The following CXCL6 variants were observed in gnomAD, a reference collection of about 807,000 sequenced individuals.
CXCL6 encodes the protein C-X-C motif chemokine ligand 6.
Under a neutral mutation model 10.5 loss-of-function variants are expected in CXCL6, and 18 were observed. The observed-to-expected ratio is 1.71, with a 90% CI of 1.18 to 2.54. The LOEUF (loss-of-function observed/expected upper bound fraction) is 2.54. CXCL6 is among the 30% of genes most tolerant of loss of function. CXCL6 has a pLI of 0.00. For missense variants in CXCL6, 171 were observed against 145.7 expected (o/e 1.17, Z -0.90); for synonymous variants, 82 against 68.3 (o/e 1.20, Z -0.99).
Position 73,836,816 on chromosome 4 carries a change from C to G in CXCL6, c.66C>G (p.Leu22=), listed in dbSNP as rs768136002. The change falls in exon 1 of 4, where the codon CTC becomes CTG. Residue 22 remains leucine (L), a synonymous_variant. Transcript: ENST00000226317. ...CTTCGGGCTCCTTGTGCGCGCTGCT[C>G]GCGCTGCTGCTCCTGCTGACGCCGC... ...PGPSGSLCAL[L]ALLLLLTPPG... is the part of the protein sequence containing the mutation. The G allele has an allele frequency of 4.3e-6, 7 of 1,612,416 alleles. No homozygotes were observed. In the East Asian group the frequency reaches 1.3e-4, roughly 31 times the overall value.
chr4:73,837,466 T>C (rs111731742), intron 3 of CXCL6, 157 bp from the exon 4 acceptor site: 2 of 913,886 alleles, frequency 2.2e-6, no homozygotes, highest in Non-Finnish European at 1.7e-6. Flanking sequence ...CAATCTTACA[T>C]GCCTGAACAA....
Position 73,837,044 on chromosome 4 carries a change from G to A in CXCL6, c.190G>A (p.Gly64Ser). ...VTLRVNPKTI[G>S]KLQVFPAGPQ... Reference sequence around the variant, plus strand: ...GCTGAGAGTAAACCCCAAAACGATTGGTAAACTGCAGGTGTTCCCCGCAGG... The same window carrying A: ...GCTGAGAGTAAACCCCAAAACGATTAGTAAACTGCAGGTGTTCCCCGCAGG... Residue 64 changes from glycine to serine, a missense_variant, in exon 2 of 4, where the codon GGT becomes AGT. Coordinates refer to ENST00000226317, the MANE Select transcript of CXCL6 (RefSeq NM_002993.4). The A allele has an allele frequency of 6.2e-7, 1 of 1,613,990 alleles. No individual in the cohort carries two copies. The highest frequency in any genetic ancestry group is 8.5e-7 in the Non-Finnish European group (1 of 1,179,910).
Position 73,838,086 on chromosome 4 carries a change from C to T in CXCL6, c.*445C>T, listed in dbSNP as rs1000312194. On this transcript the variant is annotated 3_prime_UTR_variant, in exon 4 of 4. Transcript: ENST00000226317. Reference sequence around the variant, plus strand: ...TCCTGTTGTTCTTACTCACTCTTCTCATAAAATAGGAAATATTTTAGTTCT... The same window carrying T: ...TCCTGTTGTTCTTACTCACTCTTCTTATAAAATAGGAAATATTTTAGTTCT... 1 of 153,646 alleles carries T rather than the reference C, an allele frequency of 6.5e-6. No individual in the cohort carries two copies. The highest frequency in any genetic ancestry group is 1.9e-4 in the East Asian group (1 of 5,238). 9.5% of individuals were successfully genotyped at this position (153,646 alleles called of 1,614,324 possible). A position where few individuals can be genotyped will look rare whatever the true frequency, so the allele number is the denominator to read the frequency against.
chr4:73,836,708 C>A lies in CXCL6; in HGVS notation c.-43C>A. 6.5e-7 allele frequency: 1 copy of A among 1,531,222 alleles called. No homozygotes were observed. The highest frequency in any genetic ancestry group is 8.9e-7 in the Non-Finnish European group (1 of 1,122,778). 94.9% of individuals were successfully genotyped at this position (1,531,222 alleles called of 1,614,324 possible). On this transcript the variant is annotated 5_prime_UTR_variant, in exon 1 of 4. Coordinates refer to ENST00000226317, the MANE Select transcript of CXCL6 (RefSeq NM_002993.4). ...TGCTCTGTATCCTCCAGTCTCCGCG[C>A]CTCCACCCAGCTCAGGAACCCGCGA... is the stretch of plus-strand genomic sequence containing the variant.
intron 2 of CXCL6, 42 bp from the exon 3 acceptor site, chr4:73,837,161 C>G (rs775911783): frequency 3.8e-5 from 61 of 1,613,622 alleles, no homozygotes; most frequent in Admixed American, 1.5e-4. Context: ...GGGTCGTCAA[C>G]CTTTGTGGCT....
rs1299503789 is a variant in CXCL6 at position 73,837,845 on chromosome 4, T to C, written c.*204T>C. 2.8e-5 allele frequency: 12 copies of C among 427,810 alleles called. No individual in the cohort carries two copies. The highest frequency in any genetic ancestry group is 4.7e-5 in the Non-Finnish European group (11 of 235,404). 26.5% of individuals were successfully genotyped at this position (427,810 alleles called of 1,614,324 possible). ...CAGCTAATGAAGTACTAATATAGTA[T>C]TTCCACTATTTACTGTTATTTTACC... On this transcript the variant is annotated 3_prime_UTR_variant, in exon 4 of 4. Coordinates refer to ENST00000226317, the MANE Select transcript of CXCL6 (RefSeq NM_002993.4).
Position 73,837,298 on chromosome 4 carries a change from T to A in CXCL6, c.326+12T>A. On this transcript the variant is annotated intron_variant, in intron 3 of 3. Transcript: ENST00000226317. ...AAAATTTTGGACAGGTATTTGTCCC[T>A]TTGATCTTTGTGGTGTTTTAATATC... The A allele has an allele frequency of 6.2e-7, 1 of 1,603,814 alleles. No homozygotes were observed. Among genetic ancestry groups the A allele is most frequent in the South Asian group, 1.1e-5 (1 of 90,856 alleles).
Position 73,837,083 on chromosome 4 carries a change from A to C in CXCL6, c.229A>C (p.Lys77Gln). The C allele has an allele frequency of 6.2e-7, 1 of 1,613,562 alleles. No homozygotes were observed. The highest frequency in any genetic ancestry group is 8.5e-7 in the Non-Finnish European group (1 of 1,179,700). Residue 77 changes from lysine to glutamine, a missense_variant, in exon 2 of 4, where the codon AAG (lysine) becomes CAG (glutamine). Coordinates refer to ENST00000226317, the MANE Select transcript of CXCL6 (RefSeq NM_002993.4). ...QVFPAGPQCS[K>Q]VEVVASLKNG... is the part of the protein sequence containing the mutation. ...GTTCCCCGCAGGCCCGCAGTGCTCC[A>C]AGGTGGAAGTGGTGTAAGTTCTCCT...
rs1313246643 is a variant in CXCL6, at chr4:73,838,047, T to C, written c.*406T>C. The stretch of plus-strand genomic sequence containing the variant: ...TGGAAATAATGTTTTATTAGTGTGC[T>C]GTTGAGGGAGGTATCCTGTTGTTCT... On this transcript the variant is annotated 3_prime_UTR_variant, in exon 4 of 4. Coordinates refer to ENST00000226317, the MANE Select transcript of CXCL6 (RefSeq NM_002993.4). The C allele has an allele frequency of 1.3e-5, 2 of 157,494 alleles. No individual in the cohort carries two copies. The highest frequency in any genetic ancestry group is 1.3e-4 in the Admixed American group (2 of 15,430). 9.8% of individuals were successfully genotyped at this position (157,494 alleles called of 1,614,324 possible). A position where few individuals can be genotyped will look rare whatever the true frequency, so the allele number is the denominator to read the frequency against.
At chr4:73,837,474 C>T (rs1731130047) in intron 3 of CXCL6, 149 bp from the exon 4 acceptor site, 5 of 925,248 alleles carry the variant, frequency 5.4e-6, no homozygotes, top group Non-Finnish European at 6.7e-6. Flanking sequence ...CATGCCTGAA[C>T]AATTACACAG....
chr4:73,837,983 A>G lies in CXCL6; in HGVS notation c.*342A>G, dbSNP rs1475418245. The G allele has an allele frequency of 4.9e-6, 1 of 203,972 alleles. No homozygotes were observed. 12.6% of individuals were successfully genotyped at this position (203,972 alleles called of 1,614,324 possible). The stretch of plus-strand genomic sequence containing the variant: ...GATAACTATTGTATTTCTATCATAC[A>G]TTCCTTAAAGTCTTACCGAAAAGGC... On this transcript the variant is annotated 3_prime_UTR_variant, in exon 4 of 4. Transcript: ENST00000226317.
Position 73,837,992 on chromosome 4 carries a change from A to C in CXCL6, c.*351A>C, listed in dbSNP as rs1293837802. 1.1e-5 allele frequency: 2 copies of C among 188,704 alleles called. No individual in the cohort carries two copies. The highest frequency in any genetic ancestry group is 1.1e-5 in the Non-Finnish European group (1 of 92,856). 11.7% of individuals were successfully genotyped at this position (188,704 alleles called of 1,614,324 possible). A position where few individuals can be genotyped will look rare whatever the true frequency, so the allele number is the denominator to read the frequency against. On this transcript the variant is annotated 3_prime_UTR_variant, in exon 4 of 4. Transcript: ENST00000226317. Reference sequence around the variant, plus strand: ...TGTATTTCTATCATACATTCCTTAAAGTCTTACCGAAAAGGCTGTGGATTT... The same window carrying C: ...TGTATTTCTATCATACATTCCTTAACGTCTTACCGAAAAGGCTGTGGATTT...
At chr4:73,837,552 C>T in intron 3 of CXCL6, 71 bp from the exon 4 acceptor site, 2 of 1,484,208 alleles carry the variant, frequency 1.3e-6, no homozygotes, top group Non-Finnish European at 1.8e-6. Context: ...CCACCAAACG[C>T]TTTTGAAAAC....
Position 73,836,698 on chromosome 4 carries a change from A to T in CXCL6, c.-53A>T. 6.8e-7 allele frequency: 1 copy of T among 1,460,170 alleles called. No homozygotes were observed. Among genetic ancestry groups the T allele is most frequent in the Non-Finnish European group, 9.4e-7 (1 of 1,060,996 alleles). The allele number at this position is 1,460,170 out of a possible 1,614,324, so 90.5% of individuals were successfully genotyped here. On this transcript the variant is annotated 5_prime_UTR_variant, in exon 1 of 4. Coordinates refer to ENST00000226317, the MANE Select transcript of CXCL6 (RefSeq NM_002993.4). ...GAAACCAAAGTGCTCTGTATCCTCC[A>T]GTCTCCGCGCCTCCACCCAGCTCAG...
chr4:73,838,436 T>C lies in CXCL6; in HGVS notation c.*795T>C, dbSNP rs932785898. The C allele has an allele frequency of 6.6e-6, 1 of 152,306 alleles. No individual in the cohort carries two copies. The highest frequency in any genetic ancestry group is 2.4e-5 in the African/African-American group (1 of 41,462). 9.4% of individuals were successfully genotyped at this position (152,306 alleles called of 1,614,324 possible). ...AGCCCAAAAACAGATAAATTCCTGA[T>C]TGCTAATTTACATAGAAATGTATTC... On this transcript the variant is annotated 3_prime_UTR_variant, in exon 4 of 4. Coordinates refer to ENST00000226317, the MANE Select transcript of CXCL6 (RefSeq NM_002993.4).
chr4:73,837,839 A>G lies in CXCL6; in HGVS notation c.*198A>G, dbSNP rs1379466301. On this transcript the variant is annotated 3_prime_UTR_variant, in exon 4 of 4. Transcript: ENST00000226317. The stretch of plus-strand genomic sequence containing the variant: ...ACAGCTCAGCTAATGAAGTACTAAT[A>G]TAGTATTTCCACTATTTACTGTTAT... 2.5e-5 allele frequency: 11 copies of G among 443,712 alleles called. No individual in the cohort carries two copies. The highest frequency in any genetic ancestry group is 4.5e-5 in the Non-Finnish European group (11 of 245,200). The allele number at this position is 443,712 out of a possible 1,614,324, so 27.5% of individuals were successfully genotyped here.
At position 73,836,966 on chromosome 4, in the gene CXCL6, G is replaced by C. The variant is rs773166962; in HGVS notation, c.112G>C (p.Gly38Arg). 34 of 1,607,010 alleles carry C rather than the reference G, an allele frequency of 2.1e-5. No individual in the cohort carries two copies. Among genetic ancestry groups the C allele is most frequent in the Non-Finnish European group, 2.9e-5 (34 of 1,176,472 alleles). Residue 38 changes from glycine to arginine, a missense_variant and splice_region_variant, in exon 2 of 4, where the codon GGT becomes CGT. By Grantham distance (125) the Gly-to-Arg change is moderately radical. Coordinates refer to ENST00000226317, the MANE Select transcript of CXCL6 (RefSeq NM_002993.4). Reference sequence around the variant, plus strand: ...ATAAAAATGTCTTTCTTCCCCAGCTGGTCCTGTCTCTGCTGTGCTGACAGA... The same window carrying C: ...ATAAAAATGTCTTTCTTCCCCAGCTCGTCCTGTCTCTGCTGTGCTGACAGA... ...LTPPGPLASA[G>R]PVSAVLTELR...
rs759336875 is a variant in CXCL6, at chr4:73,837,655, C to G, written c.*14C>G. Reference sequence around the variant, plus strand: ...AAGAAAAACTGAGTAACAAAAAAGACCATGCATCATAAAATTGCCCAGTCT... The same window carrying G: ...AAGAAAAACTGAGTAACAAAAAAGAGCATGCATCATAAAATTGCCCAGTCT... On this transcript the variant is annotated 3_prime_UTR_variant, in exon 4 of 4. Coordinates refer to ENST00000226317, the MANE Select transcript of CXCL6 (RefSeq NM_002993.4). 2.6e-6 allele frequency: 4 copies of G among 1,550,214 alleles called. No homozygotes were observed. Among genetic ancestry groups the G allele is most frequent in the Non-Finnish European group, 3.4e-6 (4 of 1,160,464 alleles).
In CXCL6 at chr4:73,837,246, G is replaced by A. The variant is rs781192657; in HGVS notation, c.286G>A (p.Ala96Thr). ...GAAGCAAGTTTGTCTGGACCCGGAA[G>A]CCCCTTTTCTAAAGAAAGTCATCCA... ...NGKQVCLDPE[A>T]PFLKKVIQKI... is the part of the protein sequence containing the mutation. The change falls in exon 3 of 4, where the codon GCC becomes ACC. Residue 96 changes from alanine (A) to threonine (T), a missense_variant. By Grantham distance (58) the Ala-to-Thr change is moderately conservative (BLOSUM62 0). Transcript: ENST00000226317. 2 of 1,614,190 alleles carry A rather than the reference G, an allele frequency of 1.2e-6. No individual in the cohort carries two copies. The highest frequency in any genetic ancestry group is 2.7e-5 in the African/African-American group (2 of 75,050).
Sources: gnomAD v4.1 joint callset for allele counts on GRCh38, gnomAD v4.1.1 for gene constraint, MANE v1.5 for transcripts, NCBI Gene and HGNC (gene_info 2026-07-23, HGNC 2026-07-21) for gene names.